ZNF705G: variants seen among roughly 807,000 people sequenced by gnomAD.
ZNF705G encodes the protein putative zinc finger protein 705G.
Under a neutral mutation model 19.6 loss-of-function variants are expected in ZNF705G, and 23 were observed. The observed-to-expected ratio is 1.17, with a 90% CI of 0.84 to 1.66. The LOEUF is 1.66. Ranked by LOEUF, ZNF705G falls within the 40% of genes most tolerant of loss-of-function variation. The pLI, the probability that ZNF705G is intolerant of heterozygous loss-of-function variation, is 0.00. For synonymous variants in ZNF705G, 146 were observed against 117.7 expected (o/e 1.24, Z -1.56); for missense variants, 457 against 354.4 (o/e 1.29, Z -2.32).
intron 2 of ZNF705G, among the ~76,000 whole-genome samples, chr8:7,375,182 C>T (rs1426356057): frequency 1.1e-5 from 1 of 90,910 alleles, no homozygotes; most frequent in African/African-American, 5.2e-5. Flanking sequence ...TACTCCCTCT[C>T]CCTCCCCTCC....
At chr8:7,377,953 CAAAAAAAA>C (rs1175739210) in intron 2 of ZNF705G, among the ~76,000 whole-genome samples, 1 of 53,088 alleles carries the variant, frequency 1.9e-5, no homozygotes, top group Non-Finnish European at 3.2e-5. Context: ...GACACTGTCT[CAAAAAAAA>C]AAAAAAAAAA....
intron 2 of ZNF705G, among the ~76,000 whole-genome samples, chr8:7,364,670 T>C (rs1412239542): frequency 3.3e-5 from 5 of 149,740 alleles, no homozygotes; most frequent in Non-Finnish European, 7.4e-5. Context: ...CATCATTGTG[T>C]CTATTTTTAC....
chr8:7,367,124 A>G (rs1234655822), intron 2 of ZNF705G, among the ~76,000 whole-genome samples: 1 of 149,578 alleles, frequency 6.7e-6, no homozygotes, highest in East Asian at 1.9e-4. Flanking sequence ...GAATATGAGA[A>G]TGTGAAGTAA....
In ZNF705G at chr8:7,357,767, C is replaced by T. The variant is rs1405401636; in HGVS notation, c.*209G>A. On this transcript the variant is annotated 3_prime_UTR_variant, in exon 7 of 7. Coordinates refer to ENST00000400156, the MANE Select transcript of ZNF705G (RefSeq NM_001164457.3). ...GTGAGTCCTTTGGCATGTTTAGATG[C>T]TACAACTACAGCTGAAGTCTCTTCC... 9 of 850,382 alleles carry T rather than the reference C, an allele frequency of 1.1e-5. No individual in the cohort carries two copies. The highest frequency in any genetic ancestry group is 1.9e-5 in the African/African-American group (1 of 51,722). 52.7% of individuals were successfully genotyped at this position (850,382 alleles called of 1,614,324 possible).
chr8:7,360,980 T>G (rs543079698), intron 4 of ZNF705G, 130 bp downstream of exon 4: 6 of 1,539,254 alleles, frequency 3.9e-6, no homozygotes, highest in South Asian at 2.4e-5. Context: ...AGTTCAAACC[T>G]TTTTCAGATG....
chr8:7,380,153 G>A lies in ZNF705G; in HGVS notation c.-72+1299C>T, dbSNP rs929357261. Among the ~76,000 whole-genome samples, 7 of 143,130 alleles carry A rather than the reference G, an allele frequency of 4.9e-5. 1 individual carries two copies. Among genetic ancestry groups the A allele is most frequent in the South Asian group, 4.3e-4 (2 of 4,628 alleles). The allele number at this position is 143,130 out of a possible 152,430, so 93.9% of individuals were successfully genotyped here. On this transcript the variant is annotated intron_variant, in intron 2 of 6. Transcript: ENST00000400156. ...TCTCAAGTGGAGAGTCACCTTCCCA[G>A]GACCACTGACACTGACAGCAATCCT...
chr8:7,382,332 A>T (rs1807535227), intron 1 of ZNF705G, among the ~76,000 whole-genome samples: 2 of 147,630 alleles, frequency 1.4e-5, no homozygotes, highest in Admixed American at 1.3e-4. Context: ...CCTCCTATTC[A>T]AATAGAAAGT....
intron 6 of ZNF705G, among the ~76,000 whole-genome samples, chr8:7,359,215 A>T (rs1806448626): frequency 6.7e-6 from 1 of 149,574 alleles, no homozygotes. Flanking sequence ...CCCTGGGTGC[A>T]TGTCCTTAAC....
intron 2 of ZNF705G, among the ~76,000 whole-genome samples, chr8:7,379,712 C>A (rs1188858769): frequency 5.4e-5 from 8 of 147,234 alleles, no homozygotes; most frequent in African/African-American, 8.2e-5. Flanking sequence ...GTGGACACTG[C>A]AATCCTAGCC....
Position 7,362,496 on chromosome 8 carries a change from A to G in ZNF705G, c.12+439T>C, listed in dbSNP as rs191427433. Among the ~76,000 whole-genome samples the G allele has an allele frequency of 3.4e-3, 503 of 149,726 alleles. 8 individuals are homozygous for G. Among genetic ancestry groups the G allele is most frequent in the Middle Eastern group, 6.8e-3 (2 of 292 alleles). On this transcript the variant is annotated intron_variant, in intron 3 of 6. Transcript: ENST00000400156. ...GGCTGTGATGTTCTGCTCTTCACTC[A>G]TCTCTATCGCCTGCATTAATCACAA...
At position 7,356,190 on chromosome 8, in the gene ZNF705G, T is replaced by C. The variant is rs1221742845; in HGVS notation, c.*1786A>G. ...TTCATTTTGCTTCAGGAAAAGTACATTGAATCAAATATAGGAAAGGCTTGC... is the reference window on the plus strand; with the variant it reads ...TTCATTTTGCTTCAGGAAAAGTACACTGAATCAAATATAGGAAAGGCTTGC... On this transcript the variant is annotated 3_prime_UTR_variant, in exon 7 of 7. Transcript: ENST00000400156. 1 of 149,452 alleles carries C rather than the reference T, an allele frequency of 6.7e-6. No homozygotes were observed. Among genetic ancestry groups the C allele is most frequent in the Non-Finnish European group, 1.5e-5 (1 of 68,070 alleles). 9.3% of individuals were successfully genotyped at this position (149,452 alleles called of 1,614,324 possible).
intron 2 of ZNF705G, among the ~76,000 whole-genome samples, chr8:7,367,267 G>C (rs1365532992): frequency 1.3e-5 from 2 of 149,330 alleles, no homozygotes; most frequent in Non-Finnish European, 2.9e-5. Flanking sequence ...CTACCCACTA[G>C]AAATGTCAGG....
rs184292971 is a variant in ZNF705G at position 7,369,231 on chromosome 8, G to T, written c.-71-6214C>A. 2.7e-4 allele frequency among the ~76,000 whole-genome samples: 41 copies of T among 149,470 alleles called. 1 individual carries two copies. In the South Asian group the frequency reaches 8.2e-3, roughly 30 times the overall value. On this transcript the variant is annotated intron_variant, in intron 2 of 6. Coordinates refer to ENST00000400156, the MANE Select transcript of ZNF705G (RefSeq NM_001164457.3). Reference sequence around the variant, plus strand: ...GAGTAAAATTTGAGGTGAGATTTGGGTGGGGACACAGAGCCAAACCATATC... The same window carrying T: ...GAGTAAAATTTGAGGTGAGATTTGGTTGGGGACACAGAGCCAAACCATATC...
At position 7,361,124 on chromosome 8, in the gene ZNF705G, T is replaced by G. The variant is rs775810983; in HGVS notation, c.125A>C (p.His42Pro). The G allele has an allele frequency of 6.3e-7, 1 of 1,592,722 alleles. No homozygotes were observed. Among genetic ancestry groups the G allele is most frequent in the Non-Finnish European group, 8.5e-7 (1 of 1,179,428 alleles). ...YRDVMLENISHLVSLGYQISK... is the reference protein window; with the variant it reads ...YRDVMLENISPLVSLGYQISK... ...CAGGGACTCACCGAGGGACACCAGG[T>G]GACTGATATTTTCCAGCATCACATC... Residue 42 changes from histidine (H) to proline (P), a missense_variant, in exon 4 of 7, where the codon CAC becomes CCC. By Grantham distance (77) the His-to-Pro change is moderately conservative (BLOSUM62 -2). Transcript: ENST00000400156.
chr8:7,366,780 A>G (rs1407485144), intron 2 of ZNF705G, among the ~76,000 whole-genome samples: 4 of 149,682 alleles, frequency 2.7e-5, no homozygotes, highest in Non-Finnish European at 5.9e-5. Context: ...TAATTTAACT[A>G]TAAACCACAC....
chr8:7,363,848 G>T (rs1219955612), intron 2 of ZNF705G, among the ~76,000 whole-genome samples: 4 of 149,256 alleles, frequency 2.7e-5, no homozygotes, highest in South Asian at 2.1e-4. Flanking sequence ...TTAGGATGGG[G>T]ATAATCAATT....
rs1394383050 is a variant in ZNF705G at position 7,369,010 on chromosome 8, G to A, written c.-71-5993C>T. ...ACTTACAGTTCCACATGGCTGGGGG[G>A]AGGCAGAAGGCAAAAGGCATGTCTT... On this transcript the variant is annotated intron_variant, in intron 2 of 6. Coordinates refer to ENST00000400156, the MANE Select transcript of ZNF705G (RefSeq NM_001164457.3). Among the ~76,000 whole-genome samples the A allele has an allele frequency of 2.0e-5, 3 of 149,630 alleles. 1 individual carries two copies. The highest frequency in any genetic ancestry group is 5.1e-5 in the African/African-American group (2 of 39,046).
rs1255601126 is a variant in ZNF705G at position 7,380,984 on chromosome 8, G to C, written c.-72+468C>G. ...TGAGTTGAAATTGTGCCACTGCACT[G>C]CAGCCTGGCCTACAGAGCTAGACTC... On this transcript the variant is annotated intron_variant, in intron 2 of 6. Transcript: ENST00000400156. Among the ~76,000 whole-genome samples, 3 of 99,600 alleles carry C rather than the reference G, an allele frequency of 3.0e-5. 1 individual carries two copies. Among genetic ancestry groups the C allele is most frequent in the African/African-American group, 1.9e-4 (3 of 15,654 alleles). 65.3% of individuals were successfully genotyped at this position (99,600 alleles called of 152,430 possible).
chr8:7,361,019 T>A, intron 4 of ZNF705G, 91 bp downstream of exon 4: 1 of 1,586,064 alleles, frequency 6.3e-7, no homozygotes, highest in Non-Finnish European at 8.5e-7. Context: ...GAGAAGAGAT[T>A]AGAGTGAGAT....
Sources: gnomAD v4.1 joint callset for allele counts (sites outside exome capture counted in the v4.1 genomes callset) on GRCh38, gnomAD v4.1.1 for gene constraint, MANE v1.5 for transcripts, NCBI Gene and HGNC (gene_info 2026-07-23, HGNC 2026-07-21) for gene names.